The following TARS1 variants were observed in gnomAD, a reference collection of about 807,000 sequenced individuals.
TARS1 encodes the protein threonyl-tRNA synthetase 1, also known as threonine--tRNA ligase 1, cytoplasmic.
Under a neutral mutation model 97.7 loss-of-function variants are expected in TARS1, and 57 were observed. The observed-to-expected ratio is 0.58, with a 90% confidence interval of 0.47 to 0.73. The LOEUF (loss-of-function observed/expected upper bound fraction) is 0.73, where lower values mean the gene tolerates loss of function less well. Among genes scored for constraint, TARS1 ranks in the 30% least tolerant of loss-of-function variants. The pLI, the probability that TARS1 is intolerant of heterozygous loss-of-function variation, is 0.00. For missense variants in TARS1, 806 were observed against 888.3 expected (o/e 0.91, Z 1.18); for synonymous variants, 312 against 293.7 (o/e 1.06, Z -0.64).
intron 17 of TARS1, chr5:33,466,236 G>GCCAC (rs1742523554): frequency 6.6e-6 from 1 of 152,102 alleles, no homozygotes; most frequent in African/African-American, 2.4e-5. Flanking sequence ...GCCACGTGTG[G>GCCAC]GGTGATTTGA....
intron 11 of TARS1, 189 bp downstream of exon 11, chr5:33,460,050 A>C (rs1742219071): frequency 1.9e-6 from 1 of 529,436 alleles, no homozygotes; most frequent in South Asian, 3.5e-5. Flanking sequence ...TTTTTTTTAA[A>C]GAGGTCTTCC....
chr5:33,450,108 TTG>T (rs928771438), intron 3 of TARS1, among the ~76,000 whole-genome samples: 8 of 152,202 alleles, frequency 5.3e-5, no homozygotes, highest in African/African-American at 9.7e-5. Flanking sequence ...GACAGTGTTT[TTG>T]TGTGTGTGAC....
chr5:33,459,877 G>A lies in TARS1; in HGVS notation c.1250+16G>A, dbSNP rs1742209411. On this transcript the variant is annotated intron_variant, in intron 11 of 18. Coordinates refer to ENST00000265112, the MANE Select transcript of TARS1 (RefSeq NM_152295.5). ...CAGGACACTGGTATTCGGCAGCTTT[G>A]AATTTCTACTGAAGATTTTCACATG... The A allele has an allele frequency of 6.3e-7, 1 of 1,597,510 alleles. No homozygotes were observed. The highest frequency in any genetic ancestry group is 1.1e-5 in the South Asian group (1 of 89,948).
chr5:33,456,277 A>G, intron 8 of TARS1, 50 bp downstream of exon 8: 3 of 1,392,594 alleles, frequency 2.2e-6, no homozygotes, highest in Non-Finnish European at 3.0e-6. Context: ...TAGAATAGAT[A>G]TATGTTTAAA....
intron 17 of TARS1, chr5:33,466,633 A>AAAG (rs3830415): frequency 0.7 from 208,736 of 298,232 alleles, 74,730 homozygotes; most frequent in East Asian, 0.89. Flanking sequence ...CTTTTTTGGA[A>AAAG]AAGAATACTG....
chr5:33,452,671 G>A (rs1255334721), intron 3 of TARS1, among the ~76,000 whole-genome samples: 2 of 152,000 alleles, frequency 1.3e-5, no homozygotes, highest in Non-Finnish European at 2.9e-5. Flanking sequence ...ATTATCATAG[G>A]CATTTGCAGA....
rs1250678358 is a variant in TARS1 at position 33,441,035 on chromosome 5, C to A, written c.-52C>A. The A allele has an allele frequency of 1.2e-6, 2 of 1,612,472 alleles. No individual in the cohort carries two copies. Among genetic ancestry groups the A allele is most frequent in the African/African-American group, 2.7e-5 (2 of 74,904 alleles). On this transcript the variant is annotated 5_prime_UTR_variant, in exon 1 of 19. Transcript: ENST00000265112. ...CCACCTCCCACCCGCCTCTTGGCTCCTCTCCTCTAGGCCGTCGCTTTCGGG... is the reference window on the plus strand; with the variant it reads ...CCACCTCCCACCCGCCTCTTGGCTCATCTCCTCTAGGCCGTCGCTTTCGGG...
chr5:33,440,859 C>T (rs758509257), upstream of TARS1: 54 of 565,878 alleles, frequency 9.5e-5, no homozygotes, highest in Non-Finnish European at 1.5e-4. Flanking sequence ...GCTCTGTCAC[C>T]CGAAAAGATT....
At position 33,444,244 on chromosome 5, in the gene TARS1, G is replaced by C. The variant is rs192822588; in HGVS notation, c.58-1080G>C. On this transcript the variant is annotated intron_variant, in intron 1 of 18. Transcript: ENST00000265112. ...CAGAAACTAGGTTAATGGTTGCCAG[G>C]GTCTGGAGATGAAGGCAACAGGGAG... Among the ~76,000 whole-genome samples the C allele has an allele frequency of 2.3e-3, 352 of 152,296 alleles. 4 individuals are homozygous for C. Among genetic ancestry groups the C allele is most frequent in the African/African-American group, 8.1e-3 (338 of 41,550 alleles).
intron 17 of TARS1, 61 bp downstream of exon 17, chr5:33,463,886 C>G: frequency 1.4e-6 from 2 of 1,418,168 alleles, no homozygotes; most frequent in Non-Finnish European, 2.0e-6. Flanking sequence ...TTTCAAATCA[C>G]ATAAGCCCTG....
At chr5:33,463,645 C>T (rs1561079263) in intron 16 of TARS1, 108 bp from the exon 17 acceptor site, 6 of 967,950 alleles carry the variant, frequency 6.2e-6, no homozygotes, top group South Asian at 3.4e-5. Context: ...TAAAAGTAGT[C>T]GTTACATGTT....
At chr5:33,463,426 C>T (rs1048379784) in intron 16 of TARS1, among the ~76,000 whole-genome samples, 2 of 152,168 alleles carry the variant, frequency 1.3e-5, no homozygotes, top group African/African-American at 4.8e-5. Flanking sequence ...TCATTTGTTA[C>T]CTCCTCTCAC....
chr5:33,448,295 C>T (rs915696390), intron 2 of TARS1, among the ~76,000 whole-genome samples: 1 of 152,206 alleles, frequency 6.6e-6, no homozygotes, highest in Admixed American at 6.5e-5. Context: ...GAAAAGACCA[C>T]TTGCTGTAAA....
In TARS1 at chr5:33,457,224, G is replaced by A. The variant is rs751207142; in HGVS notation, c.838-33G>A. ...AAATAAGTGAGATGTTTACAAATTTGAATGTTGTTTCATGGTTAATCCTTG... is the reference window on the plus strand; with the variant it reads ...AAATAAGTGAGATGTTTACAAATTTAAATGTTGTTTCATGGTTAATCCTTG... On this transcript the variant is annotated intron_variant, in intron 8 of 18. Coordinates refer to ENST00000265112, the MANE Select transcript of TARS1 (RefSeq NM_152295.5). The A allele has an allele frequency of 6.2e-6, 10 of 1,603,198 alleles. No homozygotes were observed. The Admixed American group carries it at 1.7e-4, about 27-fold the overall frequency.
At chr5:33,440,813 TC>T, upstream of TARS1, 1 of 538,820 alleles carries the variant, frequency 1.9e-6, no homozygotes, top group Non-Finnish European at 3.3e-6. Context: ...CTGCAGTTGC[TC>T]CTCCTCACCC....
chr5:33,443,035 G>T (rs1396936876), intron 1 of TARS1, among the ~76,000 whole-genome samples: 7 of 152,086 alleles, frequency 4.6e-5, no homozygotes, highest in African/African-American at 1.4e-4. Context: ...TTCACAATCC[G>T]GTTCTGTTTC....
intron 2 of TARS1, 53 bp from the exon 3 acceptor site, chr5:33,448,488 G>T: frequency 7.2e-7 from 1 of 1,385,980 alleles, no homozygotes; most frequent in Non-Finnish European, 9.7e-7. Flanking sequence ...TTTCTAAATA[G>T]GAAAGCAATA....
At position 33,459,877 on chromosome 5, in the gene TARS1, GA is replaced by G. The variant is rs1413003959; in HGVS notation, c.1250+18del. On this transcript the variant is annotated intron_variant, in intron 11 of 18. Transcript: ENST00000265112. ...CAGGACACTGGTATTCGGCAGCTTT[GA>G]ATTTCTACTGAAGATTTTCACATGC... The G allele has an allele frequency of 6.3e-7, 1 of 1,597,510 alleles. No homozygotes were observed. The highest frequency in any genetic ancestry group is 1.3e-5 in the African/African-American group (1 of 74,418).
At chr5:33,442,468 G>C (rs1051317981) in intron 1 of TARS1, among the ~76,000 whole-genome samples, 1 of 151,908 alleles carries the variant, frequency 6.6e-6, no homozygotes, top group Non-Finnish European at 1.5e-5. Flanking sequence ...TTATACAATA[G>C]TTAATATTTA....
Sources: allele counts gnomAD v4.1 joint callset (sites outside exome capture counted in the v4.1 genomes callset), GRCh38; gene constraint gnomAD v4.1.1; transcripts MANE v1.5; gene names NCBI Gene and HGNC (gene_info 2026-07-23, HGNC 2026-07-21).